KALRN: variants seen among roughly 807,000 people sequenced by gnomAD.
The protein encoded by KALRN is kalirin.
In KALRN, 70 loss-of-function variants were observed where a neutral mutation model predicts 353.7. The observed-to-expected ratio is 0.20, with a 90% CI of 0.16 to 0.24. KALRN has a LOEUF of 0.24. KALRN is among the 10% of genes least tolerant of loss of function. The pLI is 1.00. For synonymous variants in KALRN, 1,391 were observed against 1,434.8 expected (o/e 0.97, Z 0.69); for missense variants, 2,791 against 3,756.7 (o/e 0.74, Z 6.72).
chr3:124,371,709 G>A (rs2085863173), intron 10 of KALRN, among the ~76,000 whole-genome samples: 1 of 152,142 alleles, frequency 6.6e-6, no homozygotes, highest in African/African-American at 2.4e-5. Context: ...TACATGAGAT[G>A]TTTTGATACA....
intron 15 of KALRN, among the ~76,000 whole-genome samples, chr3:124,427,679 C>G (rs1406120022): frequency 6.6e-6 from 1 of 152,208 alleles, no homozygotes; most frequent in Non-Finnish European, 1.5e-5. Flanking sequence ...TCAGACTGAG[C>G]TGAACTTTTG....
chr3:124,371,371 T>C (rs1279095664), intron 10 of KALRN, among the ~76,000 whole-genome samples: 1 of 152,240 alleles, frequency 6.6e-6, no homozygotes, highest in Non-Finnish European at 1.5e-5. Flanking sequence ...TCTCGACTAC[T>C]GTGAATAGTG....
intron 10 of KALRN, among the ~76,000 whole-genome samples, chr3:124,370,287 G>A (rs912086194): frequency 8.6e-5 from 13 of 151,868 alleles, no homozygotes; most frequent in South Asian, 4.1e-4. Context: ...GGACTGTAAC[G>A]TGGATATCTA....
chr3:124,364,426 G>A (rs1177502097), intron 10 of KALRN, among the ~76,000 whole-genome samples: 2 of 152,174 alleles, frequency 1.3e-5, no homozygotes, highest in African/African-American at 4.8e-5. Flanking sequence ...CTTTATGTGG[G>A]GAGACTTTGA....
intron 6 of KALRN, among the ~76,000 whole-genome samples, chr3:124,313,443 A>G (rs1223943439): frequency 1.3e-5 from 2 of 152,356 alleles, no homozygotes; most frequent in East Asian, 3.9e-4. Context: ...ATCTCCACAG[A>G]CAGCCTGGTG....
intron 1 of KALRN, among the ~76,000 whole-genome samples, chr3:124,109,031 T>C (rs1183484765): frequency 6.6e-6 from 1 of 152,140 alleles, no homozygotes; most frequent in African/African-American, 2.4e-5. Context: ...TGCTTCTCCT[T>C]CTCCTGCTTC....
At chr3:124,553,707 T>C (rs886909394) in intron 33 of KALRN, among the ~76,000 whole-genome samples, 1 of 152,186 alleles carries the variant, frequency 6.6e-6, no homozygotes, top group Non-Finnish European at 1.5e-5. Flanking sequence ...TTGCAGGAAA[T>C]GCCTTCCTGT....
chr3:124,110,878 A>G (rs990248793), intron 1 of KALRN, among the ~76,000 whole-genome samples: 54 of 152,274 alleles, frequency 3.5e-4, no homozygotes, highest in Admixed American at 3.5e-3. Context: ...GAGGCCCTGG[A>G]TGTTGCTTTC....
chr3:124,373,616 G>A (rs796922055), intron 10 of KALRN, among the ~76,000 whole-genome samples: 4 of 152,200 alleles, frequency 2.6e-5, no homozygotes, highest in African/African-American at 9.6e-5. Context: ...CTTGCTAGTG[G>A]CTTTGCTGTT....
Position 124,657,469 on chromosome 3 carries a change from G to C in KALRN, c.5884G>C (p.Glu1962Gln), listed in dbSNP as rs746682116. 22 of 1,613,864 alleles carry C rather than the reference G, an allele frequency of 1.4e-5. No individual in the cohort carries two copies. The highest frequency in any genetic ancestry group is 1.9e-5 in the Non-Finnish European group (22 of 1,179,750). Reference protein sequence around the residue: ...VVEGFMKRIEEKGVPEDMRGK... With the variant: ...VVEGFMKRIEQKGVPEDMRGK... Reference sequence around the variant, plus strand: ...GCAGGGCTTCATGAAGAGAATAGAAGAAAAGGGTGTCCCTGAGGATATGCG... The same window carrying C: ...GCAGGGCTTCATGAAGAGAATAGAACAAAAGGGTGTCCCTGAGGATATGCG... Residue 1962 changes from glutamate (E) to glutamine (Q), a missense_variant, in exon 40 of 60, where the codon GAA becomes CAA. Transcript: ENST00000682506.
intron 23 of KALRN, 51 bp from the exon 24 acceptor site, chr3:124,461,839 G>T: frequency 7.4e-7 from 1 of 1,353,452 alleles, no homozygotes. Context: ...GTTTGAAGGA[G>T]GAGAGACATT....
chr3:124,082,772 G>A (rs965957304), intron 1 of KALRN, among the ~76,000 whole-genome samples: 1 of 152,226 alleles, frequency 6.6e-6, no homozygotes, highest in Non-Finnish European at 1.5e-5. Context: ...TGTTTCTCTT[G>A]AAAGAGTTAG....
intron 1 of KALRN, among the ~76,000 whole-genome samples, chr3:124,088,811 A>T (rs571582552): frequency 6.6e-6 from 1 of 152,340 alleles, no homozygotes; most frequent in South Asian, 2.1e-4. Flanking sequence ...TAAGAACCAT[A>T]AGCAGCATTC....
Position 124,192,492 on chromosome 3 carries a change from TAACTC to T in KALRN, c.74-35495_74-35491del, listed in dbSNP as rs2075029405. Among the ~76,000 whole-genome samples, 5 of 152,290 alleles carry T rather than the reference TAACTC, an allele frequency of 3.3e-5. No homozygotes were observed. The South Asian group carries it at 8.3e-4, about 25-fold the overall frequency. On this transcript the variant is annotated intron_variant, in intron 1 of 59. Coordinates refer to ENST00000682506, the MANE Select transcript of KALRN (RefSeq NM_001388419.1). ...ACAATGGGGTGACTATAGTCAATAA[TAACTC>T]AATTGTACATTTTAAAATAAAGAAT...
chr3:124,462,018 A>G, intron 24 of KALRN, 62 bp downstream of exon 24: 1 of 1,262,612 alleles, frequency 7.9e-7, no homozygotes, highest in Non-Finnish European at 1.2e-6. Flanking sequence ...GCCAGCATCA[A>G]GTCCTCAATT....
At chr3:124,628,677 A>C (rs1284856083) in intron 34 of KALRN, among the ~76,000 whole-genome samples, 1 of 150,806 alleles carries the variant, frequency 6.6e-6, no homozygotes, top group Admixed American at 6.6e-5. Context: ...CTAGGCTCAA[A>C]CTGTTCTCAT....
At position 124,691,517 on chromosome 3, in the gene KALRN, C is replaced by T. The variant is rs180820842; in HGVS notation, c.7378-2287C>T. ...CCACATAAGAAAAGAAAGGAAACAA[C>T]AGTCACCCCAAATCAAGATGCTTTA... On this transcript the variant is annotated intron_variant, in intron 51 of 59. Coordinates refer to ENST00000682506, the MANE Select transcript of KALRN (RefSeq NM_001388419.1). Among the ~76,000 whole-genome samples the T allele has an allele frequency of 1.8e-4, 28 of 152,316 alleles. No individual in the cohort carries two copies. In the East Asian group the frequency reaches 5.4e-3, roughly 29 times the overall value.
intron 36 of KALRN, among the ~76,000 whole-genome samples, chr3:124,636,449 G>T (rs2081358391): frequency 6.6e-6 from 1 of 152,176 alleles, no homozygotes; most frequent in Non-Finnish European, 1.5e-5. Flanking sequence ...TGGTGCAGGG[G>T]AAAAGGGACA....
chr3:124,356,674 C>T (rs1182947144), intron 10 of KALRN, among the ~76,000 whole-genome samples: 1 of 152,206 alleles, frequency 6.6e-6, no homozygotes, highest in Non-Finnish European at 1.5e-5. Context: ...GCATTTAATC[C>T]TGTCACCCAC....
Sources: gnomAD v4.1 joint callset for allele counts (sites outside exome capture counted in the v4.1 genomes callset) on GRCh38, gnomAD v4.1.1 for gene constraint, MANE v1.5 for transcripts, NCBI Gene and HGNC (gene_info 2026-07-23, HGNC 2026-07-21) for gene names.